Variants in ATP9B observed in about 807,000 individuals in gnomAD.
The protein encoded by ATP9B is probable phospholipid-transporting ATPase IIB.
A neutral mutation model predicts 146.1 loss-of-function variants in ATP9B; 110 were observed. The observed-to-expected ratio is 0.75, with a 90% CI of 0.65 to 0.88. The LOEUF (loss-of-function observed/expected upper bound fraction) is 0.88, where lower values mean the gene tolerates loss of function less well. ATP9B is among the 40% of genes least tolerant of loss of function. The probability of loss-of-function intolerance (pLI) is 0.00; values close to 1 mark genes in which losing one functional copy is unlikely to be tolerated. For synonymous variants in ATP9B, 604 were observed against 569.7 expected (o/e 1.06, Z -0.86); for missense variants, 1,499 against 1,496.4 (o/e 1.00, Z -0.03).
intron 11 of ATP9B, among the ~76,000 whole-genome samples, chr18:79,249,598 TTTTTTA>T (rs1239174337): frequency 6.6e-6 from 1 of 152,224 alleles, no homozygotes; most frequent in Non-Finnish European, 1.5e-5. Flanking sequence ...ATTTAAGACA[TTTTTTA>T]AAGAAGGAAG....
chr18:79,126,518 C>A, intron 5 of ATP9B, 143 bp downstream of exon 5: 1 of 605,454 alleles, frequency 1.7e-6, no homozygotes, highest in Non-Finnish European at 2.7e-6. Flanking sequence ...AATTAATTTC[C>A]TTATAATGTA....
intron 26 of ATP9B, among the ~76,000 whole-genome samples, chr18:79,367,765 G>C (rs1046731356): frequency 6.6e-6 from 1 of 152,252 alleles, no homozygotes; most frequent in Non-Finnish European, 1.5e-5. Flanking sequence ...CAGGGGACAC[G>C]TGTCTCCTCA....
intron 15 of ATP9B, 95 bp from the exon 16 acceptor site, chr18:79,329,046 A>C (rs565982937): frequency 2.6e-5 from 34 of 1,311,860 alleles, no homozygotes; most frequent in Non-Finnish European, 3.3e-5. Flanking sequence ...CAGCTGTCTC[A>C]TGTTGGCAAG....
chr18:79,073,145 CTG>C (rs573713577), intron 1 of ATP9B, among the ~76,000 whole-genome samples: 1 of 150,874 alleles, frequency 6.6e-6, no homozygotes, highest in Non-Finnish European at 1.5e-5. Context: ...ACTTCCCAGA[CTG>C]GGAGGCCGGG....
chr18:79,111,154 G>A (rs1339148039), intron 3 of ATP9B, among the ~76,000 whole-genome samples: 3 of 152,088 alleles, frequency 2.0e-5, no homozygotes, highest in Non-Finnish European at 4.4e-5. Flanking sequence ...TATACAATTA[G>A]AATAGTTGAA....
At chr18:79,156,716 T>C (rs769942295) in intron 7 of ATP9B, among the ~76,000 whole-genome samples, 1 of 152,256 alleles carries the variant, frequency 6.6e-6, no homozygotes, top group Admixed American at 6.5e-5. Flanking sequence ...GCTTATATTT[T>C]GAAGCCATCA....
intron 19 of ATP9B, among the ~76,000 whole-genome samples, chr18:79,341,351 G>A (rs563030913): frequency 1.0e-4 from 13 of 126,318 alleles, no homozygotes; most frequent in African/African-American, 3.0e-4. Context: ...CTGTGTTGCC[G>A]ACACACCATT....
At chr18:79,359,527 G>A (rs753548565) in intron 26 of ATP9B, 65 bp downstream of exon 26, 13 of 1,262,370 alleles carry the variant, frequency 1.0e-5, no homozygotes, top group Non-Finnish European at 1.5e-5. Flanking sequence ...TTACACGAGT[G>A]AGAAACAGGC....
intron 12 of ATP9B, among the ~76,000 whole-genome samples, chr18:79,271,732 A>G (rs1249268897): frequency 6.6e-6 from 1 of 151,996 alleles, no homozygotes; most frequent in African/African-American, 2.4e-5. Flanking sequence ...AGCATGATTT[A>G]TAATCCTTTG....
intron 14 of ATP9B, among the ~76,000 whole-genome samples, chr18:79,306,632 T>C (rs1477887982): frequency 6.6e-6 from 1 of 152,252 alleles, no homozygotes; most frequent in East Asian, 1.9e-4. Context: ...TACCATTTCA[T>C]TTTGTTCTTT....
chr18:79,330,227 C>T, intron 17 of ATP9B, 123 bp downstream of exon 17: 2 of 889,106 alleles, frequency 2.2e-6, no homozygotes, highest in Middle Eastern at 2.3e-4. Flanking sequence ...AAAAGGATAT[C>T]CTTTCCCCAG....
chr18:79,283,169 A>G (rs2096397225), intron 13 of ATP9B, among the ~76,000 whole-genome samples: 1 of 152,206 alleles, frequency 6.6e-6, no homozygotes, highest in Non-Finnish European at 1.5e-5. Flanking sequence ...TCTGCCCTTC[A>G]GTGTGTAAAT....
At chr18:79,097,995 A>G (rs1247086078) in intron 2 of ATP9B, among the ~76,000 whole-genome samples, 1 of 152,198 alleles carries the variant, frequency 6.6e-6, no homozygotes, top group African/African-American at 2.4e-5. Context: ...TCCCACCAAC[A>G]AGGCTACAGT....
intron 14 of ATP9B, among the ~76,000 whole-genome samples, 193 bp from the exon 15 acceptor site, chr18:79,306,793 C>T (rs958695182): frequency 1.3e-5 from 2 of 152,024 alleles, no homozygotes; most frequent in Non-Finnish European, 2.9e-5. Context: ...CTGGATATAT[C>T]GAAGTGCTTC....
chr18:79,260,959 A>T (rs2096134404), intron 12 of ATP9B, among the ~76,000 whole-genome samples: 1 of 152,102 alleles, frequency 6.6e-6, no homozygotes, highest in Non-Finnish European at 1.5e-5. Context: ...TTGTCCCACC[A>T]CTGTATTTTG....
At chr18:79,361,690 T>A (rs1000116388) in intron 26 of ATP9B, 2 of 785,524 alleles carry the variant, frequency 2.5e-6, no homozygotes, top group African/African-American at 3.8e-5. Context: ...TTATTTTTTC[T>A]TATTGAAGCT....
intron 14 of ATP9B, among the ~76,000 whole-genome samples, chr18:79,305,102 G>T (rs985966769): frequency 6.6e-6 from 1 of 152,168 alleles, no homozygotes; most frequent in African/African-American, 2.4e-5. Context: ...TGGCACTGCT[G>T]CCCAGACTTG....
At chr18:79,368,375 G>A (rs1304261169) in intron 26 of ATP9B, among the ~76,000 whole-genome samples, 1 of 152,204 alleles carries the variant, frequency 6.6e-6, no homozygotes, top group Non-Finnish European at 1.5e-5. Flanking sequence ...CTCGGCAACA[G>A]ATCAGGACCC....
At chr18:79,360,000 C>T (rs1425376387) in intron 26 of ATP9B, 1 of 154,576 alleles carries the variant, frequency 6.5e-6, no homozygotes, top group Non-Finnish European at 1.4e-5. Flanking sequence ...GCAGTGATGT[C>T]ACCAAGAAAA....
Sources: gnomAD v4.1 joint callset for allele counts (sites outside exome capture counted in the v4.1 genomes callset) on GRCh38, gnomAD v4.1.1 for gene constraint, MANE v1.5 for transcripts, NCBI Gene and HGNC (gene_info 2026-07-23, HGNC 2026-07-21) for gene names.